SPNS3: variants seen among roughly 807,000 people sequenced by gnomAD.
SPNS3 encodes the protein SPNS lysolipid transporter 3, sphingosine-1-phosphate (putative), also known as protein spinster homolog 3.
Under a neutral mutation model 54.4 loss-of-function variants are expected in SPNS3, and 51 were observed. The observed-to-expected ratio is 0.94, with a 90% CI of 0.75 to 1.18. The LOEUF (loss-of-function observed/expected upper bound fraction) is 1.18. Among genes scored for constraint, SPNS3 ranks in the 50% most tolerant of loss-of-function variants. The probability of loss-of-function intolerance (pLI) is 0.00; values close to 1 mark genes in which losing one functional copy is unlikely to be tolerated. For synonymous variants in SPNS3, 309 were observed against 294.7 expected, an observed-to-expected ratio of 1.05 and a Z score of -0.50; for missense variants, 669 against 677.4, an observed-to-expected ratio of 0.99 and a Z score of 0.14.
Position 4,448,207 on chromosome 17 carries a change from C to T in SPNS3, c.674C>T (p.Pro225Leu). Residue 225 changes from proline (P) to leucine (L), a missense_variant, in exon 6 of 12, where the codon CCA becomes CTA. Transcript: ENST00000355530. Reference protein sequence around the residue: ...VALILLILLVPDPPRGAAETQ... With the variant: ...VALILLILLVLDPPRGAAETQ... ...TTGATCCTGCTTATCCTGCTGGTTC[C>T]AGACCCACCCCGGGGAGCTGCCGAG... 2.5e-6 allele frequency: 4 copies of T among 1,605,616 alleles called. No homozygotes were observed. The highest frequency in any genetic ancestry group is 4.5e-5 in the East Asian group (2 of 44,326).
At chr17:4,472,774 C>CATTTTTTTTTTTTTTTTTTTTTT (rs1567572187) in intron 8 of SPNS3, among the ~76,000 whole-genome samples, 6 of 50,942 alleles carry the variant, frequency 1.2e-4, no homozygotes, top group African/African-American at 5.3e-4. Flanking sequence ...GCTTGGCAGC[C>CATTTTTTTTTTTTTTTTTTTTTT]TTTTTTTTTT....
rs559819387 is a variant in SPNS3, at chr17:4,473,367, C to T, written c.1114-5205C>T. 3.3e-5 allele frequency among the ~76,000 whole-genome samples: 5 copies of T among 149,978 alleles called. No homozygotes were observed. The South Asian group carries it at 8.5e-4, about 25-fold the overall frequency. On this transcript the variant is annotated intron_variant, in intron 8 of 11. Transcript: ENST00000355530. ...TGGCTGTCACTGAGGCCTTTAGATC[C>T]AGGAGAGGACACTGCTCTTCCCAGT...
intron 8 of SPNS3, among the ~76,000 whole-genome samples, chr17:4,453,844 A>G (rs1971234486): frequency 6.6e-6 from 1 of 152,178 alleles, no homozygotes; most frequent in African/African-American, 2.4e-5. Context: ...CAAGGCCCAG[A>G]TTGGTTATGG....
intron 8 of SPNS3, among the ~76,000 whole-genome samples, chr17:4,457,068 T>G (rs926782887): frequency 6.6e-6 from 1 of 152,064 alleles, no homozygotes; most frequent in Admixed American, 6.6e-5. Flanking sequence ...AGCCCACAGA[T>G]AGAATCAGGT....
chr17:4,441,040 T>C (rs1308776088), intron 2 of SPNS3, among the ~76,000 whole-genome samples: 2 of 152,206 alleles, frequency 1.3e-5, no homozygotes, highest in South Asian at 2.1e-4. Flanking sequence ...GATTCTACTG[T>C]AGACATTTCC....
chr17:4,470,469 C>G (rs1971826071), intron 8 of SPNS3, among the ~76,000 whole-genome samples: 1 of 152,004 alleles, frequency 6.6e-6, no homozygotes, highest in South Asian at 2.1e-4. Flanking sequence ...ACAGTTCACC[C>G]AATAAAGTGT....
rs7501883 is a variant in SPNS3 at position 4,462,142 on chromosome 17, C to T, written c.1113+8937C>T. Among the ~76,000 whole-genome samples the T allele has an allele frequency of 8.6e-4, 12 of 14,002 alleles. 1 individual carries two copies. The highest frequency in any genetic ancestry group is 2.9e-3 in the East Asian group (1 of 340). 9.2% of individuals were successfully genotyped at this position (14,002 alleles called of 152,430 possible). A position where few individuals can be genotyped will look rare whatever the true frequency, so the allele number is the denominator to read the frequency against. ...CCATCCATCCATCCATCCATCCATC[C>T]ATCCATCCATCCATCCATCCATCCA... On this transcript the variant is annotated intron_variant, in intron 8 of 11. Coordinates refer to ENST00000355530, the MANE Select transcript of SPNS3 (RefSeq NM_182538.5).
intron 8 of SPNS3, among the ~76,000 whole-genome samples, chr17:4,474,556 C>T (rs1007961495): frequency 1.3e-5 from 2 of 152,248 alleles, no homozygotes; most frequent in African/African-American, 4.8e-5. Flanking sequence ...TTGAAGGCAC[C>T]GCCCCCGCCA....
intron 7 of SPNS3, among the ~76,000 whole-genome samples, chr17:4,451,336 C>T (rs1270670946): frequency 4.6e-5 from 7 of 151,710 alleles, no homozygotes; most frequent in South Asian, 2.1e-4. Flanking sequence ...ACTGCAACCT[C>T]GGCCTCCCGG....
intron 8 of SPNS3, among the ~76,000 whole-genome samples, chr17:4,458,460 T>C (rs1363461395): frequency 1.3e-5 from 1 of 79,494 alleles, no homozygotes; most frequent in Non-Finnish European, 3.8e-5. Flanking sequence ...CTTTCTTCTT[T>C]CTTTCTTTCC....
chr17:4,438,169 G>A (rs1160902164), intron 1 of SPNS3, among the ~76,000 whole-genome samples: 2 of 152,180 alleles, frequency 1.3e-5, no homozygotes, highest in African/African-American at 4.8e-5. Context: ...TGCACGCAGG[G>A]CTTTCTTGGT....
chr17:4,446,641 T>G, intron 4 of SPNS3: 1 of 568,052 alleles, frequency 1.8e-6, no homozygotes, highest in South Asian at 2.1e-5. Flanking sequence ...GGCAGGAGGG[T>G]GTAGGGTATG....
chr17:4,475,628 G>A (rs924025), intron 8 of SPNS3, among the ~76,000 whole-genome samples: 40,310 of 152,088 alleles, frequency 0.27, 6,109 homozygotes, highest in African/African-American at 0.4. Flanking sequence ...TCTCCTGGCT[G>A]GCTCAGCCAC....
At chr17:4,478,708 A>C in intron 9 of SPNS3, 71 bp downstream of exon 9, 1 of 1,496,146 alleles carries the variant, frequency 6.7e-7, no homozygotes, top group African/African-American at 1.4e-5. Flanking sequence ...GCTGCTGAGC[A>C]GCTGGGCACT....
chr17:4,460,604 TG>T (rs2144110275), intron 8 of SPNS3, among the ~76,000 whole-genome samples: 1 of 148,332 alleles, frequency 6.7e-6, no homozygotes, highest in East Asian at 2.0e-4. Flanking sequence ...GCTAATTTTT[TG>T]TATTTTTTTT....
At chr17:4,458,243 A>G (rs1971367427) in intron 8 of SPNS3, among the ~76,000 whole-genome samples, 1 of 151,786 alleles carries the variant, frequency 6.6e-6, no homozygotes, top group African/African-American at 2.4e-5. Flanking sequence ...CTGCTCACCC[A>G]CTACAGTCTG....
intron 8 of SPNS3, among the ~76,000 whole-genome samples, chr17:4,456,463 G>T (rs1032690340): frequency 6.6e-6 from 1 of 152,180 alleles, no homozygotes; most frequent in East Asian, 1.9e-4. Flanking sequence ...TCTTCTGCAC[G>T]TGCTCTTATT....
chr17:4,458,566 CTCCT>C (rs1567563749), intron 8 of SPNS3, among the ~76,000 whole-genome samples: 1 of 75,858 alleles, frequency 1.3e-5, no homozygotes, highest in Non-Finnish European at 3.4e-5. Context: ...TCTTCCTTCC[CTCCT>C]TTCTTTCTTC....
chr17:4,452,774 A>G (rs1170246497), intron 7 of SPNS3, among the ~76,000 whole-genome samples: 1 of 151,758 alleles, frequency 6.6e-6, no homozygotes, highest in African/African-American at 2.4e-5. Context: ...GATCCCCAGG[A>G]TGAGACAGGA....
Sources: allele counts gnomAD v4.1 joint callset (sites outside exome capture counted in the v4.1 genomes callset), GRCh38; gene constraint gnomAD v4.1.1; transcripts MANE v1.5; gene names NCBI Gene and HGNC (gene_info 2026-07-23, HGNC 2026-07-21).